Variants in C19orf47 observed in about 807,000 individuals in gnomAD.
C19orf47 encodes uncharacterized protein C19orf47.
C19orf47 carries 18 observed loss-of-function variants against 32.3 expected under a neutral mutation model. The ratio of observed to expected loss-of-function variants is 0.56; its 90% confidence interval spans 0.39 to 0.83. The LOEUF is 0.83. Among genes scored for constraint, C19orf47 ranks in the 40% least tolerant of loss-of-function variants. The pLI, the probability that C19orf47 is intolerant of heterozygous loss-of-function variation, is 0.00. For synonymous variants in C19orf47, 202 were observed against 211.1 expected, an observed-to-expected ratio of 0.96 and a Z score of 0.37; for missense variants, 484 against 531.6, an observed-to-expected ratio of 0.91 and a Z score of 0.88.
chr19:40,344,746 A>T (rs573315673), intron 1 of C19orf47, among the ~76,000 whole-genome samples: 2 of 152,314 alleles, frequency 1.3e-5, no homozygotes, highest in Middle Eastern at 6.8e-3. Flanking sequence ...CTGGGATTCA[A>T]AAACAAGTTC....
the C19orf47 span, among the ~76,000 whole-genome samples, chr19:40,302,809 C>G: frequency 6.6e-6 from 1 of 152,166 alleles, no homozygotes; most frequent in Non-Finnish European, 1.5e-5. Context: ...TCCAGTCTTT[C>G]TCCCTTCTGA....
At chr19:40,334,076 C>G (rs974222064) in intron 4 of C19orf47, 147 bp from the exon 5 acceptor site, 9 of 545,490 alleles carry the variant, frequency 1.6e-5, no homozygotes, top group Admixed American at 3.7e-5. Flanking sequence ...CATCAGATAC[C>G]TCCAAACTGA....
the C19orf47 span, among the ~76,000 whole-genome samples, chr19:40,314,226 A>G: frequency 2.0e-5 from 3 of 152,154 alleles, no homozygotes; most frequent in Non-Finnish European, 4.4e-5. Flanking sequence ...TCAGAAGTTC[A>G]AGACCAGCCT....
intron 5 of C19orf47, 116 bp from the exon 6 acceptor site, chr19:40,328,666 C>G: frequency 7.4e-7 from 1 of 1,349,882 alleles, no homozygotes. Context: ...AGAAGGTCAG[C>G]GGGTATCACC....
chr19:40,298,681 T>C, the C19orf47 span, among the ~76,000 whole-genome samples: 2 of 152,188 alleles, frequency 1.3e-5, no homozygotes, highest in African/African-American at 4.8e-5. Context: ...CTTAAAATTC[T>C]CATATATAAT....
At chr19:40,306,929 A>G in the C19orf47 span, among the ~76,000 whole-genome samples, 1 of 150,688 alleles carries the variant, frequency 6.6e-6, no homozygotes, top group Admixed American at 6.7e-5. Flanking sequence ...AGCTGGGACT[A>G]CAGGCGCCCG....
chr19:40,317,728 G>GTTT (rs760108426), downstream of C19orf47, among the ~76,000 whole-genome samples: 1 of 143,050 alleles, frequency 7.0e-6, no homozygotes, highest in African/African-American at 2.6e-5. Context: ...TTTTTTTTTT[G>GTTT]TTTTTTTTTT....
chr19:40,348,332 C>T lies in C19orf47; in HGVS notation c.-42G>A, dbSNP rs1282123980. On this transcript the variant is annotated 5_prime_UTR_variant, in exon 1 of 9. The change creates a new upstream start codon in the 5' untranslated region. Transcript: ENST00000683109. The stretch of plus-strand genomic sequence containing the variant: ...CCCGGCCCGCGCCTCACCTGGCCCA[C>T]CGGGCCCGCGCCCACTCGCGCCGCC... 7.4e-7 allele frequency: 1 copy of T among 1,359,532 alleles called. No individual in the cohort carries two copies. The highest frequency in any genetic ancestry group is 9.4e-7 in the Non-Finnish European group (1 of 1,058,776). The allele number at this position is 1,359,532 out of a possible 1,614,324, so 84.2% of individuals were successfully genotyped here.
At chr19:40,338,384 C>T (rs1200410180) in intron 2 of C19orf47, among the ~76,000 whole-genome samples, 1 of 148,636 alleles carries the variant, frequency 6.7e-6, no homozygotes, top group Admixed American at 6.8e-5. Context: ...TATATATACA[C>T]ATATATATAT....
chr19:40,328,987 C>G (rs561554889), intron 5 of C19orf47, among the ~76,000 whole-genome samples: 4 of 152,166 alleles, frequency 2.6e-5, no homozygotes, highest in Non-Finnish European at 5.9e-5. Context: ...TGCGTCTCAT[C>G]ATTCAGGCCT....
At position 40,326,348 on chromosome 19, in the gene C19orf47, T is replaced by G; in HGVS notation, c.578A>C (p.Gln193Pro). The change falls in exon 7 of 9, where the codon CAG becomes CCG. Residue 193 changes from glutamine (Q) to proline (P), a missense_variant. By Grantham distance (76) the Gln-to-Pro change is moderately conservative. Around this residue, in one of 3 missense-constraint regions of C19orf47, gnomAD observed 376 missense variants for 370.2 expected, o/e 1.02. Transcript: ENST00000683109. ...TGGGCCAGTACCTTTTGCAGCCTGC[T>G]GCTGCTCCAGGATCTTGCGGGTGCG... The part of the protein sequence containing the change: ...TPRTRKILEQ[Q>P]QAAKGLHRTS... 6.2e-7 allele frequency: 1 copy of G among 1,614,198 alleles called. No individual in the cohort carries two copies. The highest frequency in any genetic ancestry group is 1.1e-5 in the South Asian group (1 of 91,090).
chr19:40,345,277 C>T (rs1219812894), intron 1 of C19orf47, among the ~76,000 whole-genome samples: 1 of 152,162 alleles, frequency 6.6e-6, no homozygotes, highest in East Asian at 1.9e-4. Context: ...CAAGGGATTA[C>T]CACATACCAG....
At chr19:40,347,789 T>C (rs1010977449) in intron 1 of C19orf47, among the ~76,000 whole-genome samples, 1 of 152,134 alleles carries the variant, frequency 6.6e-6, no homozygotes, top group African/African-American at 2.4e-5. Flanking sequence ...TCAGAATCAT[T>C]ATCATTATAG....
chr19:40,323,402 T>TG (rs1271345085), intron 8 of C19orf47, among the ~76,000 whole-genome samples: 2 of 152,190 alleles, frequency 1.3e-5, no homozygotes, highest in Non-Finnish European at 2.9e-5. Context: ...CAGGCCCCTG[T>TG]GGGCTTCAGG....
the C19orf47 span, among the ~76,000 whole-genome samples, chr19:40,302,613 G>C: frequency 6.6e-6 from 1 of 152,112 alleles, no homozygotes; most frequent in Non-Finnish European, 1.5e-5. Flanking sequence ...CATTGTGATT[G>C]TGTCTGGCAG....
chr19:40,304,442 A>G, the C19orf47 span, among the ~76,000 whole-genome samples: 1 of 152,166 alleles, frequency 6.6e-6, no homozygotes, highest in Non-Finnish European at 1.5e-5. Context: ...CTCAGATCAC[A>G]GGAGATGAGA....
chr19:40,342,651 G>A (rs1194765507), intron 1 of C19orf47, among the ~76,000 whole-genome samples: 1 of 152,172 alleles, frequency 6.6e-6, no homozygotes, highest in African/African-American at 2.4e-5. Context: ...GGAGGACCTG[G>A]GAAGGGAGGG....
At chr19:40,293,315 T>A in the C19orf47 span, among the ~76,000 whole-genome samples, 2 of 151,170 alleles carry the variant, frequency 1.3e-5, no homozygotes, top group African/African-American at 4.9e-5. Context: ...CTGGCCAATT[T>A]TTATATTTTT....
At chr19:40,338,879 G>A (rs997157322) in intron 2 of C19orf47, among the ~76,000 whole-genome samples, 1 of 152,146 alleles carries the variant, frequency 6.6e-6, no homozygotes, top group Non-Finnish European at 1.5e-5. Context: ...GGTGATGGCT[G>A]CACAACTCTG....
Sources: allele counts gnomAD v4.1 joint callset (sites outside exome capture counted in the v4.1 genomes callset), GRCh38; gene constraint gnomAD v4.1.1; regional missense constraint gnomAD v4.1.1; transcripts MANE v1.5; gene names NCBI Gene and HGNC (gene_info 2026-07-23, HGNC 2026-07-21).